The following ZMAT4 variants were observed in gnomAD, a reference collection of about 807,000 sequenced individuals.
The protein encoded by ZMAT4 is zinc finger matrin-type 4.
ZMAT4 carries 17 observed loss-of-function variants against 28.7 expected under a neutral mutation model. The observed-to-expected ratio is 0.59, with a 90% CI of 0.41 to 0.89. The LOEUF (loss-of-function observed/expected upper bound fraction) is 0.89, where lower values mean the gene tolerates loss of function less well. ZMAT4 is among the 40% of genes least tolerant of loss of function. ZMAT4 has a pLI of 0.00. For missense variants in ZMAT4, 240 were observed against 283.8 expected (o/e 0.85, Z 1.11); for synonymous variants, 117 against 109.2 (o/e 1.07, Z -0.44).
At chr8:40,555,852 C>G (rs1446234076) in intron 6 of ZMAT4, among the ~76,000 whole-genome samples, 1 of 152,150 alleles carries the variant, frequency 6.6e-6, no homozygotes, top group Non-Finnish European at 1.5e-5. Flanking sequence ...TTCTCCCATT[C>G]TATTTAACAC....
intron 1 of ZMAT4, among the ~76,000 whole-genome samples, chr8:40,870,068 A>C (rs1430783788): frequency 2.0e-5 from 3 of 152,230 alleles, no homozygotes; most frequent in Non-Finnish European, 4.4e-5. Flanking sequence ...CTGCAGACAC[A>C]GGAGTAGCTC....
At chr8:40,856,944 C>G (rs1353492164) in intron 1 of ZMAT4, among the ~76,000 whole-genome samples, 30 of 152,158 alleles carry the variant, frequency 2.0e-4, no homozygotes, top group Non-Finnish European at 7.3e-5. Flanking sequence ...CATTTTTTAA[C>G]CAGGCAAGCT....
chr8:40,895,300 T>C (rs1208705845), intron 1 of ZMAT4, among the ~76,000 whole-genome samples: 1 of 152,230 alleles, frequency 6.6e-6, no homozygotes, highest in Non-Finnish European at 1.5e-5. Context: ...TCATCGGTCC[T>C]TGCATACACA....
intron 3 of ZMAT4, among the ~76,000 whole-genome samples, chr8:40,748,849 A>T (rs1328621772): frequency 6.6e-6 from 1 of 152,034 alleles, no homozygotes; most frequent in African/African-American, 2.4e-5. Context: ...ACTCCCTATC[A>T]GATATGGTTT....
At chr8:40,644,982 T>C (rs1049425320) in intron 5 of ZMAT4, among the ~76,000 whole-genome samples, 28 of 152,186 alleles carry the variant, frequency 1.8e-4, no homozygotes, top group African/African-American at 6.5e-4. Context: ...GGAAAGCCTA[T>C]GAAACTGTCA....
At chr8:40,607,501 T>C (rs1805638699) in intron 5 of ZMAT4, among the ~76,000 whole-genome samples, 1 of 152,130 alleles carries the variant, frequency 6.6e-6, no homozygotes, top group Admixed American at 6.5e-5. Flanking sequence ...TCCCTGAGTA[T>C]CTTAATAATT....
intron 2 of ZMAT4, among the ~76,000 whole-genome samples, chr8:40,818,110 T>G (rs1052921867): frequency 2.6e-5 from 4 of 152,208 alleles, no homozygotes; most frequent in African/African-American, 9.6e-5. Flanking sequence ...CTTAGCCGTG[T>G]GCATATTGCC....
intron 1 of ZMAT4, among the ~76,000 whole-genome samples, chr8:40,847,285 C>T (rs1305077400): frequency 6.6e-6 from 1 of 151,710 alleles, no homozygotes; most frequent in African/African-American, 2.4e-5. Context: ...TTCAGCCTCT[C>T]CCTCTAAAAA....
chr8:40,589,110 GAAAATAGCTAATACTGATATATGCCATAT>G (rs1246586123), intron 5 of ZMAT4, among the ~76,000 whole-genome samples: 1 of 152,120 alleles, frequency 6.6e-6, no homozygotes, highest in Non-Finnish European at 1.5e-5. Flanking sequence ...TGAGCAGAAG[GAAAATAGCTAATACTGATATATGCCATAT>G]ATAAGCACTG....
At chr8:40,805,243 C>G (rs1459520079) in intron 2 of ZMAT4, among the ~76,000 whole-genome samples, 2 of 150,400 alleles carry the variant, frequency 1.3e-5, no homozygotes, top group African/African-American at 2.4e-5. Flanking sequence ...AATGAGATAC[C>G]ATCTCACACC....
chr8:40,748,860 G>T (rs11784759), intron 3 of ZMAT4, among the ~76,000 whole-genome samples: 44,798 of 151,812 alleles, frequency 0.3, 7,197 homozygotes, highest in Non-Finnish European at 0.36. Context: ...GATATGGTTT[G>T]GTTGTGTCCC....
chr8:40,743,029 T>C (rs1403795275), intron 3 of ZMAT4, among the ~76,000 whole-genome samples: 1 of 151,876 alleles, frequency 6.6e-6, no homozygotes, highest in Non-Finnish European at 1.5e-5. Context: ...CTGGCCAACA[T>C]GGTGAAACCC....
intron 3 of ZMAT4, among the ~76,000 whole-genome samples, chr8:40,752,759 T>C (rs1376315622): frequency 6.6e-6 from 1 of 152,186 alleles, no homozygotes; most frequent in African/African-American, 2.4e-5. Flanking sequence ...CAGTGGACTC[T>C]TGCAAGGCTG....
chr8:40,710,006 C>A (rs1810533528), intron 3 of ZMAT4, among the ~76,000 whole-genome samples: 1 of 149,180 alleles, frequency 6.7e-6, no homozygotes, highest in African/African-American at 2.5e-5. Flanking sequence ...CCATTGCACT[C>A]CAGCCTGGGC....
At chr8:40,543,134 C>A (rs1464366353) in intron 6 of ZMAT4, among the ~76,000 whole-genome samples, 1 of 152,108 alleles carries the variant, frequency 6.6e-6, no homozygotes, top group Non-Finnish European at 1.5e-5. Context: ...ACGTGCCATC[C>A]AGCACCCAGC....
intron 6 of ZMAT4, among the ~76,000 whole-genome samples, chr8:40,542,515 A>G (rs1803071429): frequency 6.6e-6 from 1 of 151,866 alleles, no homozygotes; most frequent in Non-Finnish European, 1.5e-5. Flanking sequence ...CAGGCTCTGG[A>G]GTAGCTGGGA....
chr8:40,809,103 C>G (rs1170400720), intron 2 of ZMAT4, among the ~76,000 whole-genome samples: 1 of 152,096 alleles, frequency 6.6e-6, no homozygotes, highest in African/African-American at 2.4e-5. Context: ...AAGTGTGGTA[C>G]ATACACAGCA....
intron 3 of ZMAT4, among the ~76,000 whole-genome samples, chr8:40,755,108 C>A (rs1812622420): frequency 1.3e-5 from 2 of 152,180 alleles, no homozygotes; most frequent in South Asian, 4.1e-4. Context: ...CATATGTTCA[C>A]AAATTTCAAA....
At chr8:40,596,799 T>A (rs947208644) in intron 5 of ZMAT4, among the ~76,000 whole-genome samples, 4 of 152,250 alleles carry the variant, frequency 2.6e-5, no homozygotes, top group Non-Finnish European at 4.4e-5. Context: ...CATGTGCAAG[T>A]AGCCAGTTGA....
Sources: allele counts gnomAD v4.1 joint callset (sites outside exome capture counted in the v4.1 genomes callset), GRCh38; gene constraint gnomAD v4.1.1; transcripts MANE v1.5; gene names NCBI Gene and HGNC (gene_info 2026-07-23, HGNC 2026-07-21).